Variants in PIK3R1 observed in about 807,000 individuals in gnomAD.
PIK3R1 encodes phosphoinositide-3-kinase regulatory subunit 1.
In PIK3R1, 29 loss-of-function variants were observed where a neutral mutation model predicts 98.0. The observed-to-expected ratio is 0.30, with a 90% CI of 0.22 to 0.40. The LOEUF (loss-of-function observed/expected upper bound fraction) is 0.40. Ranked by LOEUF, PIK3R1 falls within the 10% of genes least tolerant of loss-of-function variation. The pLI is 1.00. For synonymous variants in PIK3R1, 282 were observed against 311.8 expected, an observed-to-expected ratio of 0.90 and a Z score of 1.01; for missense variants, 596 against 872.7, an observed-to-expected ratio of 0.68 and a Z score of 3.99.
chr5:68,252,824 C>A (rs1745368428), intron 2 of PIK3R1, among the ~76,000 whole-genome samples: 1 of 152,186 alleles, frequency 6.6e-6, no homozygotes, highest in Admixed American at 6.5e-5. Flanking sequence ...ATGCTCTTAG[C>A]AACTTTGCTA....
At chr5:68,288,973 G>A (rs1747233828) in intron 7 of PIK3R1, among the ~76,000 whole-genome samples, 1 of 152,094 alleles carries the variant, frequency 6.6e-6, no homozygotes, top group Non-Finnish European at 1.5e-5. Context: ...TAATTACAAC[G>A]TGCTTGGTTG....
rs775858762 is a variant in PIK3R1, at chr5:68,273,375, T to C, written c.335-15T>C. 6.2e-7 allele frequency: 1 copy of C among 1,610,770 alleles called. No homozygotes were observed. The highest frequency in any genetic ancestry group is 1.1e-5 in the South Asian group (1 of 91,022). On this transcript the variant is annotated splice_polypyrimidine_tract_variant and intron_variant, in intron 2 of 15. Transcript: ENST00000521381. ...ATCCAAATTAAATACAATGGTGGGA[T>C]TTTGTTGTTTGCAGCTTTGACTCTC... is the stretch of plus-strand genomic sequence containing the variant.
chr5:68,217,084 GT>G (rs920871455), intron 1 of PIK3R1, among the ~76,000 whole-genome samples: 1 of 151,846 alleles, frequency 6.6e-6, no homozygotes, highest in African/African-American at 2.4e-5. Flanking sequence ...ATGATTTTAG[GT>G]TTTTTTTCTT....
intron 7 of PIK3R1, chr5:68,288,587 G>C: frequency 6.5e-7 from 1 of 1,534,884 alleles, no homozygotes; most frequent in Non-Finnish European, 8.7e-7. Flanking sequence ...CCGCTCCTGC[G>C]CGCACTCTCG....
intron 11 of PIK3R1, 129 bp downstream of exon 11, chr5:68,293,963 C>A: frequency 2.8e-6 from 2 of 721,998 alleles, no homozygotes; most frequent in East Asian, 2.9e-5. Flanking sequence ...ATTTGTGAAT[C>A]ATTGTTGATT....
chr5:68,283,880 A>T (rs1438703147), intron 7 of PIK3R1, among the ~76,000 whole-genome samples: 1 of 152,226 alleles, frequency 6.6e-6, no homozygotes, highest in Non-Finnish European at 1.5e-5. Flanking sequence ...GTGTCCAATC[A>T]AAAACTCCTC....
intron 5 of PIK3R1, 26 bp from the exon 6 acceptor site, chr5:68,280,502 C>CT (rs74634187): frequency 0.041 from 51,653 of 1,257,810 alleles, no homozygotes; most frequent in Non-Finnish European, 0.046. Flanking sequence ...ACTCATTTCT[C>CT]TTTTTTTTTT....
In PIK3R1 at chr5:68,226,623, AG is replaced by A. The variant is rs1210136018; in HGVS notation, c.-52del. On this transcript the variant is annotated 5_prime_UTR_variant, in exon 2 of 16. Transcript: ENST00000521381. Reference sequence around the variant, plus strand: ...TCACTTTTCATAAAAACGTAAAATCAGACTGCTCTGTACAACCAGGCTCAAC... The same window carrying A: ...TCACTTTTCATAAAAACGTAAAATCAACTGCTCTGTACAACCAGGCTCAAC... 1.4e-6 allele frequency: 2 copies of A among 1,413,736 alleles called. No individual in the cohort carries two copies. Among genetic ancestry groups the A allele is most frequent in the East Asian group, 4.6e-5 (2 of 43,692 alleles). The allele number at this position is 1,413,736 out of a possible 1,614,324, so 87.6% of individuals were successfully genotyped here. A position where few individuals can be genotyped will look rare whatever the true frequency, so the allele number is the denominator to read the frequency against.
At chr5:68,242,109 A>C (rs1744892420) in intron 2 of PIK3R1, among the ~76,000 whole-genome samples, 1 of 152,250 alleles carries the variant, frequency 6.6e-6, no homozygotes, top group Non-Finnish European at 1.5e-5. Flanking sequence ...CCCTCATTCC[A>C]TTTAGGCAAA....
Position 68,240,025 on chromosome 5 carries a change from C to T in PIK3R1, c.334+13016C>T, listed in dbSNP as rs988613150. 3.8e-5 allele frequency: 17 copies of T among 448,542 alleles called. 1 individual carries two copies. Among genetic ancestry groups the T allele is most frequent in the South Asian group, 2.8e-4 (17 of 60,070 alleles). 27.8% of individuals were successfully genotyped at this position (448,542 alleles called of 1,614,324 possible). A position where few individuals can be genotyped will look rare whatever the true frequency, so the allele number is the denominator to read the frequency against. Reference sequence around the variant, plus strand: ...CTAAAATTTTAACTTTCAGTGTAGCCCTCACTTGGCTTGTGCTTCTTAATG... The same window carrying T: ...CTAAAATTTTAACTTTCAGTGTAGCTCTCACTTGGCTTGTGCTTCTTAATG... On this transcript the variant is annotated intron_variant, in intron 2 of 15. Coordinates refer to ENST00000521381, the MANE Select transcript of PIK3R1 (RefSeq NM_181523.3).
chr5:68,242,123 G>A (rs1326444725), intron 2 of PIK3R1, among the ~76,000 whole-genome samples: 1 of 152,208 alleles, frequency 6.6e-6, no homozygotes, highest in Admixed American at 6.5e-5. Flanking sequence ...AGGCAAAAGT[G>A]TTGTGCTATT....
chr5:68,216,296 G>C (rs173701), intron 1 of PIK3R1, among the ~76,000 whole-genome samples: 41,565 of 152,156 alleles, frequency 0.27, 6,348 homozygotes, highest in East Asian at 0.7. Flanking sequence ...CGCACACTTC[G>C]GAGGGTCCCC....
At chr5:68,288,890 A>T in intron 7 of PIK3R1, 2 of 832,690 alleles carry the variant, frequency 2.4e-6, no homozygotes, top group Non-Finnish European at 4.1e-6. Flanking sequence ...TAGGGGAGAC[A>T]CTCCCCCTGT....
At chr5:68,224,262 T>G (rs966648636) in intron 1 of PIK3R1, among the ~76,000 whole-genome samples, 1 of 152,264 alleles carries the variant, frequency 6.6e-6, no homozygotes, top group East Asian at 1.9e-4. Flanking sequence ...CATTTTCATG[T>G]GAATTTATGC....
intron 2 of PIK3R1, among the ~76,000 whole-genome samples, chr5:68,228,602 A>G (rs2111972060): frequency 6.6e-6 from 1 of 152,330 alleles, no homozygotes; most frequent in East Asian, 1.9e-4. Context: ...ACCAAGTTAT[A>G]TATTTTCACC....
Position 68,297,605 on chromosome 5 carries a change from G to C in PIK3R1, c.*4G>C, listed in dbSNP as rs201345202. 6.2e-7 allele frequency: 1 copy of C among 1,612,514 alleles called. No individual in the cohort carries two copies. On this transcript the variant is annotated 3_prime_UTR_variant, in exon 16 of 16. Transcript: ENST00000521381. ...ATATGCACAGCAGAGGCGATGAAGC[G>C]CTTACTCTTTGATCCTTCTCCTGAA...
intron 1 of PIK3R1, among the ~76,000 whole-genome samples, chr5:68,225,205 A>G (rs1206492457): frequency 6.7e-6 from 1 of 149,036 alleles, no homozygotes; most frequent in South Asian, 2.1e-4. Flanking sequence ...AGTTACATAC[A>G]TTGAACTTCA....
chr5:68,223,444 C>T (rs13189712), intron 1 of PIK3R1, among the ~76,000 whole-genome samples: 31,242 of 151,452 alleles, frequency 0.21, 3,957 homozygotes, highest in East Asian at 0.67. Context: ...CTTGAATTAA[C>T]GTCTGCATCA....
chr5:68,254,635 T>C (rs1318232173), intron 2 of PIK3R1, among the ~76,000 whole-genome samples: 1 of 152,224 alleles, frequency 6.6e-6, no homozygotes, highest in Non-Finnish European at 1.5e-5. Flanking sequence ...GTCATTGTTA[T>C]CTTGGAGCTG....
Sources: gnomAD v4.1 joint callset for allele counts (sites outside exome capture counted in the v4.1 genomes callset) on GRCh38, gnomAD v4.1.1 for gene constraint, MANE v1.5 for transcripts, NCBI Gene and HGNC (gene_info 2026-07-23, HGNC 2026-07-21) for gene names.